FBXW7: variants seen among roughly 807,000 people sequenced by gnomAD.
The protein encoded by FBXW7 is F-box/WD repeat-containing protein 7.
FBXW7 carries 11 observed loss-of-function variants against 86.3 expected under a neutral mutation model. The observed-to-expected ratio is 0.13, with a 90% confidence interval of 0.08 to 0.21. The LOEUF is 0.21. FBXW7 is among the 10% of genes least tolerant of loss of function. The pLI, the probability that FBXW7 is intolerant of heterozygous loss-of-function variation, is 1.00. For synonymous variants in FBXW7, 313 were observed against 297.9 expected, an observed-to-expected ratio of 1.05 and a Z score of -0.52; for missense variants, 488 against 847.4, an observed-to-expected ratio of 0.58 and a Z score of 5.27.
intron 4 of FBXW7, 55 bp downstream of exon 4, chr4:152,411,248 A>G (rs1737925191): frequency 6.7e-7 from 1 of 1,492,150 alleles, no homozygotes; most frequent in Non-Finnish European, 9.0e-7. Flanking sequence ...GTTTCATTAC[A>G]ATTAAAATAG....
At chr4:152,374,417 G>T (rs999344315) in intron 4 of FBXW7, among the ~76,000 whole-genome samples, 4 of 151,942 alleles carry the variant, frequency 2.6e-5, no homozygotes, top group African/African-American at 9.7e-5. Flanking sequence ...AACTGTATCT[G>T]AGTTTCGTTA....
Position 152,525,154 on chromosome 4 carries a change from C to A in FBXW7, c.-120+9787G>T, listed in dbSNP as rs78652995. Among the ~76,000 whole-genome samples, 476 of 152,194 alleles carry A rather than the reference C, an allele frequency of 3.1e-3. 2 individuals carry two copies. The highest frequency in any genetic ancestry group is 0.011 in the African/African-American group (459 of 41,522). On this transcript the variant is annotated intron_variant, in intron 2 of 13. Coordinates refer to ENST00000281708, the MANE Select transcript of FBXW7 (RefSeq NM_001349798.2). ...CCAATAAAGAAAAGTATTTAAAATG[C>A]TGAAATTTTTTAAACTAGAATATTC...
At chr4:152,403,096 A>C (rs548881156) in intron 4 of FBXW7, among the ~76,000 whole-genome samples, 6 of 152,150 alleles carry the variant, frequency 3.9e-5, no homozygotes, top group Non-Finnish European at 8.8e-5. Context: ...ATATATCATT[A>C]GTTTGATGAA....
intron 2 of FBXW7, among the ~76,000 whole-genome samples, chr4:152,498,141 T>C (rs1482008395): frequency 6.6e-6 from 1 of 152,188 alleles, no homozygotes; most frequent in Non-Finnish European, 1.5e-5. Context: ...CAGGTGTTTG[T>C]TATACTACTT....
At position 152,321,571 on chromosome 4, in the gene FBXW7, G is replaced by C. The variant is rs1336878978; in HGVS notation, c.*1310C>G. 1 of 233,016 alleles carries C rather than the reference G, an allele frequency of 4.3e-6. No homozygotes were observed. The allele number at this position is 233,016 out of a possible 1,614,324, so 14.4% of individuals were successfully genotyped here. ...ACTGTTTCATTCATTTTGTTTGTTT[G>C]CATGTGACGCCTTTACTACAAAAAC... On this transcript the variant is annotated 3_prime_UTR_variant, in exon 14 of 14. Coordinates refer to ENST00000281708, the MANE Select transcript of FBXW7 (RefSeq NM_001349798.2).
chr4:152,404,105 T>G (rs1161466531), intron 4 of FBXW7, among the ~76,000 whole-genome samples: 1 of 152,192 alleles, frequency 6.6e-6, no homozygotes, highest in Non-Finnish European at 1.5e-5. Flanking sequence ...TTCTGTGCTC[T>G]TTCCACTATG....
At chr4:152,386,463 T>C (rs565218187) in intron 4 of FBXW7, among the ~76,000 whole-genome samples, 2 of 152,242 alleles carry the variant, frequency 1.3e-5, no homozygotes, top group African/African-American at 2.4e-5. Flanking sequence ...TTATGATTAC[T>C]ACTACTATTA....
intron 2 of FBXW7, among the ~76,000 whole-genome samples, chr4:152,445,971 A>AAAGT (rs1174349482): frequency 1.3e-5 from 2 of 150,980 alleles, no homozygotes; most frequent in Non-Finnish European, 3.0e-5. Flanking sequence ...CACTTGGTCC[A>AAAGT]AAGTAAGAGT....
intron 2 of FBXW7, among the ~76,000 whole-genome samples, chr4:152,412,761 G>A (rs892861525): frequency 2.0e-5 from 3 of 151,970 alleles, no homozygotes; most frequent in Admixed American, 6.6e-5. Context: ...GGAAAATGCT[G>A]GAAATTGTGA....
chr4:152,465,687 T>C (rs1299131093), intron 2 of FBXW7, among the ~76,000 whole-genome samples: 2 of 151,710 alleles, frequency 1.3e-5, no homozygotes, highest in East Asian at 3.9e-4. Context: ...CTACTAAAAA[T>C]ACAAAAATTA....
At chr4:152,347,479 T>C (rs1485485096) in intron 5 of FBXW7, among the ~76,000 whole-genome samples, 1 of 152,166 alleles carries the variant, frequency 6.6e-6, no homozygotes, top group Non-Finnish European at 1.5e-5. Context: ...GATACTTTAT[T>C]AAAGCTTTAA....
At chr4:152,520,219 G>A (rs1748881562) in intron 2 of FBXW7, among the ~76,000 whole-genome samples, 1 of 151,668 alleles carries the variant, frequency 6.6e-6, no homozygotes, top group South Asian at 2.1e-4. Flanking sequence ...GGATCATGAG[G>A]TCAGGAGATC....
chr4:152,388,252 A>G (rs1204763033), intron 4 of FBXW7, among the ~76,000 whole-genome samples: 1 of 152,144 alleles, frequency 6.6e-6, no homozygotes, highest in African/African-American at 2.4e-5. Context: ...CTTCCCTGCT[A>G]ATTTTCTTCA....
chr4:152,517,531 AT>A (rs1244502231), intron 2 of FBXW7, among the ~76,000 whole-genome samples: 3 of 152,224 alleles, frequency 2.0e-5, no homozygotes, highest in Non-Finnish European at 4.4e-5. Flanking sequence ...TAGAATAAAG[AT>A]TAAGGTCCCA....
At chr4:152,350,006 T>G in intron 5 of FBXW7, 36 bp downstream of exon 5, 1 of 1,204,336 alleles carries the variant, frequency 8.3e-7, no homozygotes, top group African/African-American at 1.5e-5. Context: ...TCTAAAAAAC[T>G]GAGAATCATG....
intron 6 of FBXW7, among the ~76,000 whole-genome samples, chr4:152,340,619 G>A (rs375284054): frequency 2.1e-5 from 3 of 144,384 alleles, no homozygotes; most frequent in East Asian, 2.0e-4. Flanking sequence ...TGATAAAGAC[G>A]AGTAGCAATA....
intron 6 of FBXW7, among the ~76,000 whole-genome samples, chr4:152,338,353 C>G (rs1453203748): frequency 6.6e-6 from 1 of 151,948 alleles, no homozygotes; most frequent in Non-Finnish European, 1.5e-5. Context: ...TTTAATAAGG[C>G]ACTCATCTGA....
At chr4:152,395,051 A>AGT (rs1022567957) in intron 4 of FBXW7, among the ~76,000 whole-genome samples, 38 of 151,942 alleles carry the variant, frequency 2.5e-4, no homozygotes, top group African/African-American at 8.0e-4. Flanking sequence ...GGTGTGCATA[A>AGT]GTGTGTGTGT....
In FBXW7 at chr4:152,442,678, G is replaced by A. The variant is rs1741005940; in HGVS notation, c.-119-30149C>T. 2.0e-5 allele frequency among the ~76,000 whole-genome samples: 3 copies of A among 152,186 alleles called. No individual in the cohort carries two copies. The South Asian group carries it at 6.2e-4, about 32-fold the overall frequency. ...TAGTTGAATAAAAATCAGCAATAAT[G>A]ACTCATTATATACTTTGCTCTACAC... is the stretch of plus-strand genomic sequence containing the variant. On this transcript the variant is annotated intron_variant, in intron 2 of 13. Transcript: ENST00000281708.
Sources: allele counts gnomAD v4.1 joint callset (sites outside exome capture counted in the v4.1 genomes callset), GRCh38; gene constraint gnomAD v4.1.1; transcripts MANE v1.5; gene names NCBI Gene and HGNC (gene_info 2026-07-23, HGNC 2026-07-21).